Variants in LCP2 observed in about 807,000 individuals in gnomAD.
LCP2 encodes 76 kDa tyrosine phosphoprotein.
A neutral mutation model predicts 74.5 loss-of-function variants in LCP2; 29 were observed. The ratio of observed to expected loss-of-function variants is 0.39; its 90% confidence interval spans 0.29 to 0.53. The LOEUF (loss-of-function observed/expected upper bound fraction) is 0.53. Among genes scored for constraint, LCP2 ranks in the 20% least tolerant of loss-of-function variants. The probability of loss-of-function intolerance (pLI) is 0.72; values close to 1 mark genes in which losing one functional copy is unlikely to be tolerated. For synonymous variants in LCP2, 228 were observed against 229.5 expected (o/e 0.99, Z 0.06); for missense variants, 604 against 634.6 (o/e 0.95, Z 0.52).
At chr5:170,267,743 C>T (rs1447858653) in intron 8 of LCP2, among the ~76,000 whole-genome samples, 2 of 152,158 alleles carry the variant, frequency 1.3e-5, no homozygotes, top group Admixed American at 6.5e-5. Flanking sequence ...TTATCCCCAA[C>T]GCCTAGAACT....
chr5:170,274,542 G>A (rs4867953), intron 5 of LCP2, among the ~76,000 whole-genome samples: 1,652 of 152,028 alleles, frequency 0.011, 21 homozygotes, highest in Non-Finnish European at 0.018. Flanking sequence ...AGAGAACCAG[G>A]GGGTGGCGAT....
At chr5:170,291,631 TGTG>T (rs1187835063) in intron 2 of LCP2, among the ~76,000 whole-genome samples, 1 of 152,166 alleles carries the variant, frequency 6.6e-6, no homozygotes, top group African/African-American at 2.4e-5. Context: ...CCAGGACTGT[TGTG>T]GGGAATTACA....
At chr5:170,264,642 T>C (rs1006017801) in intron 10 of LCP2, among the ~76,000 whole-genome samples, 5 of 152,056 alleles carry the variant, frequency 3.3e-5, no homozygotes, top group Admixed American at 6.6e-5. Context: ...CTACAGTATA[T>C]TTAAAAATTA....
chr5:170,286,649 T>G (rs922757797), intron 3 of LCP2, among the ~76,000 whole-genome samples: 1 of 152,242 alleles, frequency 6.6e-6, no homozygotes, highest in African/African-American at 2.4e-5. Flanking sequence ...TCAAGCCATC[T>G]TCAACAATAC....
At chr5:170,290,770 A>G (rs114316050) in intron 2 of LCP2, among the ~76,000 whole-genome samples, 1,838 of 152,268 alleles carry the variant, frequency 0.012, 34 homozygotes, top group African/African-American at 0.042. Flanking sequence ...CACTGTGGTC[A>G]GGTTTCTGCA....
chr5:170,265,128 C>T (rs1482872737), intron 10 of LCP2, among the ~76,000 whole-genome samples: 1 of 151,890 alleles, frequency 6.6e-6, no homozygotes, highest in Non-Finnish European at 1.5e-5. Flanking sequence ...GCTGGGACTG[C>T]AGGTGCCCAC....
At chr5:170,254,384 G>C (rs1427115960) in intron 17 of LCP2, among the ~76,000 whole-genome samples, 5 of 152,198 alleles carry the variant, frequency 3.3e-5, no homozygotes, top group Non-Finnish European at 7.3e-5. Flanking sequence ...CCACTGAGGA[G>C]AGGAGAGTCA....
Position 170,261,409 on chromosome 5 carries a change from A to G in LCP2, c.927-272T>C, listed in dbSNP as rs73800750. Among the ~76,000 whole-genome samples, 805 of 100,776 alleles carry G rather than the reference A, an allele frequency of 8.0e-3. 8 individuals carry two copies. The highest frequency in any genetic ancestry group is 0.019 in the African/African-American group (554 of 29,328). The allele number at this position is 100,776 out of a possible 152,430, so 66.1% of individuals were successfully genotyped here. A position where few individuals can be genotyped will look rare whatever the true frequency, so the allele number is the denominator to read the frequency against. On this transcript the variant is annotated intron_variant, in intron 13 of 20. Coordinates refer to ENST00000046794, the MANE Select transcript of LCP2 (RefSeq NM_005565.5). ...TAATTATGTGTGTGTGTGTGTGTGTATATATATATATATACACACTCTATA... is the reference window on the plus strand; with the variant it reads ...TAATTATGTGTGTGTGTGTGTGTGTGTATATATATATATACACACTCTATA...
In LCP2 at chr5:170,268,486, T is replaced by C; in HGVS notation, c.524-4A>G. 1 of 275,358 alleles carries C rather than the reference T, an allele frequency of 3.6e-6. No homozygotes were observed. The highest frequency in any genetic ancestry group is 7.2e-6 in the Non-Finnish European group (1 of 139,146). The allele number at this position is 275,358 out of a possible 1,614,324, so 17.1% of individuals were successfully genotyped here. A position where few individuals can be genotyped will look rare whatever the true frequency, so the allele number is the denominator to read the frequency against. On this transcript the variant is annotated splice_polypyrimidine_tract_variant and splice_region_variant and intron_variant, in intron 7 of 20. Transcript: ENST00000046794. ...GTTTTCCCAGAGGGGGGCCGGTCTG[T>C]GGAAACACAAGGTTATTAAAGTGAA...
At chr5:170,274,186 G>A in intron 6 of LCP2, 115 bp downstream of exon 6, 2 of 1,083,652 alleles carry the variant, frequency 1.8e-6, no homozygotes, top group South Asian at 1.3e-5. Flanking sequence ...GCCCTGGGTG[G>A]GTGTGCTGGC....
chr5:170,257,913 CA>C (rs938335008), intron 16 of LCP2, 123 bp downstream of exon 16: 5 of 1,071,940 alleles, frequency 4.7e-6, no homozygotes, highest in African/African-American at 3.1e-5. Context: ...TCTTAAGACC[CA>C]AAATGTTCAG....
intron 3 of LCP2, among the ~76,000 whole-genome samples, chr5:170,284,446 T>G (rs571299381): frequency 7.8e-4 from 107 of 137,258 alleles, no homozygotes; most frequent in African/African-American, 2.9e-3. Context: ...TTCCTCTGTA[T>G]GTAATATGTC....
intron 19 of LCP2, chr5:170,251,873 G>T: frequency 3.8e-6 from 1 of 262,898 alleles, no homozygotes; most frequent in Non-Finnish European, 8.1e-6. Context: ...CTACTGGTGT[G>T]GAGTTTAAGT....
In LCP2 at chr5:170,280,553, C is replaced by T. The variant is rs144601958; in HGVS notation, c.189-4693G>A. Among the ~76,000 whole-genome samples, 391 of 152,268 alleles carry T rather than the reference C, an allele frequency of 2.6e-3. 1 individual carries two copies. The highest frequency in any genetic ancestry group is 8.9e-3 in the African/African-American group (371 of 41,556). On this transcript the variant is annotated intron_variant, in intron 3 of 20. Coordinates refer to ENST00000046794, the MANE Select transcript of LCP2 (RefSeq NM_005565.5). ...TTTCACCATCACCTGAGGCCTCGGT[C>T]GAGAGTGTAAGAGTAGGACATAATA...
intron 3 of LCP2, among the ~76,000 whole-genome samples, chr5:170,277,920 T>C (rs1397507470): frequency 6.6e-6 from 1 of 151,972 alleles, no homozygotes; most frequent in African/African-American, 2.4e-5. Flanking sequence ...CTTTTGTGAC[T>C]GGGCAGAGAG....
rs1762337474 is a variant in LCP2, at chr5:170,294,420, T to A, written c.79-1048A>T. ...AATCAGCAATCATATGAGGTGCTAG[T>A]TTCAACTTGTCCTCAACAGCATAAA... On this transcript the variant is annotated intron_variant, in intron 1 of 20. Transcript: ENST00000046794. Among the ~76,000 whole-genome samples the A allele has an allele frequency of 2.6e-5, 4 of 152,338 alleles. No individual in the cohort carries two copies. In the South Asian group the frequency reaches 8.3e-4, roughly 32 times the overall value.
intron 1 of LCP2, 108 bp from the exon 2 acceptor site, chr5:170,293,480 C>A (rs1316682663): frequency 2.8e-5 from 29 of 1,035,738 alleles, no homozygotes; most frequent in Non-Finnish European, 3.9e-5. Context: ...TTGTGGCTAG[C>A]CAGGCTCCCC....
chr5:170,274,464 C>G (rs1761950673), intron 5 of LCP2, 126 bp from the exon 6 acceptor site: 2 of 948,786 alleles, frequency 2.1e-6, no homozygotes, highest in South Asian at 1.5e-5. Flanking sequence ...CACCTACCTC[C>G]CACACCCCTG....
chr5:170,253,102 A>C lies in LCP2; in HGVS notation c.1245+17T>G. On this transcript the variant is annotated intron_variant, in intron 18 of 20. Coordinates refer to ENST00000046794, the MANE Select transcript of LCP2 (RefSeq NM_005565.5). ...GGGAAAAGGCAAACAAACAAAAATA[A>C]AAACATGCTCTCTTACCTCTTCCTC... is the stretch of plus-strand genomic sequence containing the variant. 6.4e-7 allele frequency: 1 copy of C among 1,557,262 alleles called. No individual in the cohort carries two copies. The highest frequency in any genetic ancestry group is 8.8e-7 in the Non-Finnish European group (1 of 1,135,878).
Sources: allele counts gnomAD v4.1 joint callset (sites outside exome capture counted in the v4.1 genomes callset), GRCh38; gene constraint gnomAD v4.1.1; transcripts MANE v1.5; gene names NCBI Gene and HGNC (gene_info 2026-07-23, HGNC 2026-07-21).